The following WNT9B variants were observed in gnomAD, a reference collection of about 807,000 sequenced individuals.
WNT9B encodes the protein Wnt family member 9B.
WNT9B carries 12 observed loss-of-function variants against 30.2 expected under a neutral mutation model. The observed-to-expected ratio is 0.40, with a 90% confidence interval of 0.26 to 0.64. The LOEUF (loss-of-function observed/expected upper bound fraction) is 0.64. WNT9B is among the 30% of genes least tolerant of loss of function. The pLI is 0.42. For missense variants in WNT9B, 442 were observed against 485.2 expected (o/e 0.91, Z 0.84); for synonymous variants, 218 against 216.9 (o/e 1.01, Z -0.05).
intron 1 of WNT9B, among the ~76,000 whole-genome samples, chr17:46,843,155 T>C (rs537421482): frequency 6.6e-6 from 1 of 152,364 alleles, no homozygotes; most frequent in East Asian, 1.9e-4. Flanking sequence ...CTAGGGTAGA[T>C]ATTAATATCG....
At chr17:46,866,069 G>T (rs182103642) in intron 1 of WNT9B, among the ~76,000 whole-genome samples, 8 of 152,322 alleles carry the variant, frequency 5.3e-5, no homozygotes, top group African/African-American at 1.9e-4. Context: ...GCTGCAGGAC[G>T]TCATGGAGGA....
intron 1 of WNT9B, among the ~76,000 whole-genome samples, chr17:46,841,783 T>C (rs1028702260): frequency 4.1e-4 from 63 of 152,342 alleles, no homozygotes; most frequent in Admixed American, 2.9e-3. Flanking sequence ...GAAGCCTGCA[T>C]CCAGCTGAGA....
At position 46,876,567 on chromosome 17, in the gene WNT9B, A is replaced by G. The variant is rs772073215; in HGVS notation, c.923A>G (p.Glu308Gly). The G allele has an allele frequency of 6.8e-6, 11 of 1,613,606 alleles. No individual in the cohort carries two copies. The East Asian group carries it at 2.5e-4, about 36-fold the overall frequency. ...ACAGCAGGTAGGGTGTGCTCCCGGGAGGCCAGCTGCAGCAGCCTGTGCTGC... is the reference window on the plus strand; with the variant it reads ...ACAGCAGGTAGGGTGTGCTCCCGGGGGGCCAGCTGCAGCAGCCTGTGCTGC... Reference protein sequence around the residue: ...PGTAGRVCSREASCSSLCCGR... With the variant: ...PGTAGRVCSRGASCSSLCCGR... The change falls in exon 4 of 4, where the codon GAG becomes GGG. Residue 308 changes from glutamate (E) to glycine (G), a missense_variant. Coordinates refer to ENST00000290015, the MANE Select transcript of WNT9B (RefSeq NM_003396.3).
downstream of WNT9B, among the ~76,000 whole-genome samples, chr17:46,881,200 G>T (rs1024564351): frequency 5.9e-5 from 9 of 152,200 alleles, no homozygotes; most frequent in African/African-American, 1.9e-4. Context: ...GCCCTGCTGG[G>T]GTCCACATTG....
At chr17:46,845,515 A>G (rs1181713425) in intron 1 of WNT9B, among the ~76,000 whole-genome samples, 1 of 135,026 alleles carries the variant, frequency 7.4e-6, no homozygotes, top group African/African-American at 2.8e-5. Flanking sequence ...TTTGAGACAG[A>G]GTCTTGCTCT....
At chr17:46,839,430 TGG>T (rs1568113323) in intron 1 of WNT9B, among the ~76,000 whole-genome samples, 11 of 152,332 alleles carry the variant, frequency 7.2e-5, no homozygotes, top group Non-Finnish European at 1.3e-4. Flanking sequence ...TCAGGTTGTA[TGG>T]TAGCTGCCAC....
chr17:46,872,738 G>A lies in WNT9B; in HGVS notation c.299G>A (p.Cys100Tyr). Reference sequence around the variant, plus strand: ...CAGTTCCGGCATGAGCGCTGGAACTGTAGCCTGGAGGGCAGGATGGGCCTG... The same window carrying A: ...CAGTTCCGGCATGAGCGCTGGAACTATAGCCTGGAGGGCAGGATGGGCCTG... Reference protein sequence around the residue: ...QFQFRHERWNCSLEGRMGLLK... With the variant: ...QFQFRHERWNYSLEGRMGLLK... Residue 100 changes from cysteine (C) to tyrosine (Y), a missense_variant, in exon 2 of 4, where the codon TGT becomes TAT. Physicochemically the swap from Cys to Tyr is radical, Grantham distance 194. Coordinates refer to ENST00000290015, the MANE Select transcript of WNT9B (RefSeq NM_003396.3). The A allele has an allele frequency of 1.2e-6, 2 of 1,601,366 alleles. No individual in the cohort carries two copies. The highest frequency in any genetic ancestry group is 1.1e-5 in the South Asian group (1 of 90,704).
At chr17:46,864,722 G>GA (rs1160604490) in intron 1 of WNT9B, among the ~76,000 whole-genome samples, 3 of 152,102 alleles carry the variant, frequency 2.0e-5, no homozygotes, top group African/African-American at 7.2e-5. Flanking sequence ...AAACTGCCAG[G>GA]CTTGGTGGAA....
intron 1 of WNT9B, among the ~76,000 whole-genome samples, chr17:46,856,400 T>C (rs1308827034): frequency 6.6e-6 from 1 of 152,212 alleles, no homozygotes; most frequent in East Asian, 1.9e-4. Context: ...GAAGTGTCAT[T>C]ACTATAATTC....
In WNT9B at chr17:46,875,115, G is replaced by T; in HGVS notation, c.349G>T (p.Ala117Ser). Residue 117 changes from alanine (A) to serine (S), a missense_variant, in exon 3 of 4, where the codon GCT becomes TCT. Ala to Ser is a moderately conservative substitution (Grantham distance 99). Transcript: ENST00000290015. ...GLLKRGFKETAFLYAVSSAAL... is the reference protein window; with the variant it reads ...GLLKRGFKETSFLYAVSSAAL... ...GCCCGATCCAGGCTTCAAAGAGACA[G>T]CTTTCCTGTACGCGGTGTCCTCTGC... 1 of 1,613,832 alleles carries T rather than the reference G, an allele frequency of 6.2e-7. No individual in the cohort carries two copies. The highest frequency in any genetic ancestry group is 8.5e-7 in the Non-Finnish European group (1 of 1,180,026).
At chr17:46,855,205 T>G (rs1034320410) in intron 1 of WNT9B, among the ~76,000 whole-genome samples, 2 of 152,200 alleles carry the variant, frequency 1.3e-5, no homozygotes, top group Admixed American at 6.5e-5. Context: ...AGGGCAGCAG[T>G]GGCTGCAGAG....
intron 1 of WNT9B, among the ~76,000 whole-genome samples, chr17:46,837,330 G>GC (rs1234183473): frequency 3.3e-4 from 51 of 152,276 alleles, no homozygotes; most frequent in African/African-American, 7.2e-4. Flanking sequence ...GACAAGGCTG[G>GC]CCTGATAACC....
At chr17:46,876,079 T>G (rs548387683) in intron 3 of WNT9B, among the ~76,000 whole-genome samples, 166 bp from the exon 4 acceptor site, 3 of 152,266 alleles carry the variant, frequency 2.0e-5, no homozygotes, top group African/African-American at 7.2e-5. Context: ...TCGCGTAAGT[T>G]GTCTATTCCA....
At chr17:46,874,670 C>A (rs371439428) in intron 2 of WNT9B, among the ~76,000 whole-genome samples, 2 of 152,144 alleles carry the variant, frequency 1.3e-5, no homozygotes, top group Non-Finnish European at 2.9e-5. Flanking sequence ...CTCCACCTTC[C>A]GGGTTCAAGT....
At chr17:46,851,021 G>C (rs369786559), upstream of WNT9B, among the ~76,000 whole-genome samples, 21 of 152,328 alleles carry the variant, frequency 1.4e-4, no homozygotes, top group African/African-American at 4.8e-4. The surrounding 1 kb of genome is among the most constrained non-coding windows in gnomAD (Gnocchi z 4.3). Flanking sequence ...TCTTTGCCTG[G>C]CAACAGGGTC....
chr17:46,856,804 C>T (rs1217770156), intron 1 of WNT9B, among the ~76,000 whole-genome samples: 2 of 152,170 alleles, frequency 1.3e-5, no homozygotes, highest in Admixed American at 6.5e-5. Flanking sequence ...TTTTAAATTG[C>T]ACAGTTTGGG....
chr17:46,872,132 G>GC (rs1474335470), intron 1 of WNT9B, among the ~76,000 whole-genome samples: 1 of 152,164 alleles, frequency 6.6e-6, no homozygotes, highest in Non-Finnish European at 1.5e-5. Context: ...CACAAAAGCT[G>GC]CCTAGGGACT....
chr17:46,844,865 G>A (rs1206137234), intron 1 of WNT9B, among the ~76,000 whole-genome samples: 3 of 150,846 alleles, frequency 2.0e-5, no homozygotes, highest in Non-Finnish European at 4.4e-5. Context: ...ATTTTTTGGA[G>A]ATGGAGTTTT....
chr17:46,872,787 C>G lies in WNT9B; in HGVS notation c.334+14C>G, dbSNP rs769014104. 1.4e-6 allele frequency: 2 copies of G among 1,415,244 alleles called. No individual in the cohort carries two copies. The highest frequency in any genetic ancestry group is 2.0e-6 in the Non-Finnish European group (2 of 1,022,340). 87.7% of individuals were successfully genotyped at this position (1,415,244 alleles called of 1,614,324 possible). A position where few individuals can be genotyped will look rare whatever the true frequency, so the allele number is the denominator to read the frequency against. Reference sequence around the variant, plus strand: ...TGCTCAAGAGAGGTGGGGAGGAGGGCTAGGGGACGGGGAGGGCTGGGGGAA... The same window carrying G: ...TGCTCAAGAGAGGTGGGGAGGAGGGGTAGGGGACGGGGAGGGCTGGGGGAA... On this transcript the variant is annotated intron_variant, in intron 2 of 3. Coordinates refer to ENST00000290015, the MANE Select transcript of WNT9B (RefSeq NM_003396.3).
Sources: gnomAD v4.1 joint callset for allele counts (sites outside exome capture counted in the v4.1 genomes callset) on GRCh38, gnomAD v4.1.1 for gene constraint, Gnocchi (gnomAD v3.1) non-coding constraint, MANE v1.5 for transcripts, NCBI Gene and HGNC (gene_info 2026-07-23, HGNC 2026-07-21) for gene names.